Variants in RIMS2 observed in about 807,000 individuals in gnomAD.
RIMS2 encodes the protein regulating synaptic membrane exocytosis 2.
In RIMS2, 59 loss-of-function variants were observed where a neutral mutation model predicts 174.4. The observed-to-expected ratio is 0.34, with a 90% confidence interval of 0.27 to 0.42. The LOEUF is 0.42. Among genes scored for constraint, RIMS2 ranks in the 10% least tolerant of loss-of-function variants. The pLI is 1.00. For synonymous variants in RIMS2, 606 were observed against 572.5 expected (o/e 1.06, Z -0.84); for missense variants, 1,620 against 1,666.3 (o/e 0.97, Z 0.48).
At chr8:104,003,908 AAC>A (rs2095480460) in intron 17 of RIMS2, among the ~76,000 whole-genome samples, 1 of 152,204 alleles carries the variant, frequency 6.6e-6, no homozygotes, top group Non-Finnish European at 1.5e-5. Context: ...TAGATGGAAG[AAC>A]AGAGAGAAAA....
intron 1 of RIMS2, among the ~76,000 whole-genome samples, chr8:103,579,056 C>T (rs2093437575): frequency 6.6e-6 from 1 of 151,898 alleles, no homozygotes; most frequent in Admixed American, 6.6e-5. Context: ...GAGAGAAAGT[C>T]TTTCCCAGAT....
chr8:103,653,963 C>T (rs908671465), intron 1 of RIMS2, among the ~76,000 whole-genome samples: 4 of 151,934 alleles, frequency 2.6e-5, no homozygotes, highest in African/African-American at 7.2e-5. Context: ...ATATTTTATC[C>T]TTTTATGATA....
chr8:103,549,297 G>A (rs1008920047), intron 1 of RIMS2, among the ~76,000 whole-genome samples: 3 of 152,208 alleles, frequency 2.0e-5, no homozygotes, highest in Non-Finnish European at 2.9e-5. Context: ...CAAGCCAGAA[G>A]AGAGTGGGGG....
intron 1 of RIMS2, among the ~76,000 whole-genome samples, chr8:103,676,240 T>A (rs79721413): frequency 9.7e-4 from 147 of 152,140 alleles, no homozygotes; most frequent in African/African-American, 3.3e-3. Flanking sequence ...AAAGGGTTTT[T>A]ATATAGACTG....
At chr8:103,576,834 CT>C (rs1245521837) in intron 1 of RIMS2, among the ~76,000 whole-genome samples, 1 of 152,186 alleles carries the variant, frequency 6.6e-6, no homozygotes. Flanking sequence ...AAAGGATTCC[CT>C]ATTTAATCAA....
At chr8:104,223,591 C>A in intron 19 of RIMS2, 1 of 1,495,988 alleles carries the variant, frequency 6.7e-7, no homozygotes, top group East Asian at 2.5e-5. Context: ...GCGGACGCTG[C>A]GCCCCAGCCG....
chr8:103,946,010 G>T (rs1003376111), intron 14 of RIMS2, among the ~76,000 whole-genome samples: 4 of 152,098 alleles, frequency 2.6e-5, no homozygotes, highest in African/African-American at 4.8e-5. Flanking sequence ...TACATAAAAG[G>T]CATTCAGAAT....
chr8:104,048,381 G>A (rs568355364), intron 19 of RIMS2, among the ~76,000 whole-genome samples: 1 of 152,172 alleles, frequency 6.6e-6, no homozygotes, highest in Non-Finnish European at 1.5e-5. Flanking sequence ...GAGATATCAT[G>A]CCCACCTATT....
chr8:103,544,817 C>A (rs151099034), intron 1 of RIMS2, among the ~76,000 whole-genome samples: 3 of 152,062 alleles, frequency 2.0e-5, no homozygotes, highest in African/African-American at 7.2e-5. Context: ...AGAATCAAAG[C>A]GAGTTGAGTG....
intron 19 of RIMS2, among the ~76,000 whole-genome samples, chr8:104,034,982 ATTAGAAGTTC>A (rs985158631): frequency 2.2e-4 from 33 of 152,296 alleles, no homozygotes; most frequent in Admixed American, 7.8e-4. Flanking sequence ...GCTCCCTTAA[ATTAGAAGTTC>A]TTCAGGCTTA....
intron 3 of RIMS2, among the ~76,000 whole-genome samples, chr8:103,866,955 T>G (rs1303399702): frequency 6.6e-6 from 1 of 152,016 alleles, no homozygotes; most frequent in African/African-American, 2.4e-5. Flanking sequence ...CATGAGGTTC[T>G]GTGTCATTTA....
chr8:103,638,636 T>C (rs1303151924), intron 1 of RIMS2, among the ~76,000 whole-genome samples: 5 of 152,102 alleles, frequency 3.3e-5, no homozygotes, highest in Non-Finnish European at 7.4e-5. Flanking sequence ...TGTTTTTATG[T>C]TTTTGAACAA....
At chr8:103,921,949 C>A in intron 10 of RIMS2, 165 bp downstream of exon 13, 1 of 410,900 alleles carries the variant, frequency 2.4e-6, no homozygotes. Flanking sequence ...GATTATTTAT[C>A]ATACTGCTTC....
intron 1 of RIMS2, among the ~76,000 whole-genome samples, chr8:103,676,366 T>C (rs1358864230): frequency 3.9e-5 from 6 of 152,310 alleles, no homozygotes; most frequent in Non-Finnish European, 5.9e-5. Flanking sequence ...CCTTAAGGAA[T>C]AGGGCAAAGA....
chr8:103,671,774 A>G (rs2096747024), intron 1 of RIMS2, among the ~76,000 whole-genome samples: 2 of 152,220 alleles, frequency 1.3e-5, no homozygotes, highest in Admixed American at 6.5e-5. Flanking sequence ...TTTCCTACCA[A>G]GATATAACAG....
intron 4 of RIMS2, among the ~76,000 whole-genome samples, chr8:103,898,447 C>T (rs1195763023): frequency 1.3e-5 from 2 of 151,482 alleles, no homozygotes; most frequent in African/African-American, 4.9e-5. Context: ...GTACTTGGGG[C>T]AGTATTAATT....
chr8:103,939,308 G>A (rs1269495330), intron 13 of RIMS2, among the ~76,000 whole-genome samples: 3 of 152,208 alleles, frequency 2.0e-5, no homozygotes, highest in Non-Finnish European at 4.4e-5. Context: ...TGCACCTGCA[G>A]GCTCAACACC....
chr8:103,593,553 A>G (rs2094355175), intron 1 of RIMS2, among the ~76,000 whole-genome samples: 1 of 151,498 alleles, frequency 6.6e-6, no homozygotes, highest in East Asian at 1.9e-4. Context: ...TTTCCAATCA[A>G]ATATCTGTGT....
At chr8:103,649,018 T>C (rs1048880644) in intron 1 of RIMS2, among the ~76,000 whole-genome samples, 6 of 152,188 alleles carry the variant, frequency 3.9e-5, no homozygotes, top group Non-Finnish European at 8.8e-5. Context: ...CTTGTTTATG[T>C]GGTTGCTTCA....
Sources: gnomAD v4.1 joint callset for allele counts (sites outside exome capture counted in the v4.1 genomes callset) on GRCh38, gnomAD v4.1.1 for gene constraint, MANE v1.5 for transcripts, NCBI Gene and HGNC (gene_info 2026-07-23, HGNC 2026-07-21) for gene names.